Variants in FHIT observed in about 807,000 individuals in gnomAD.
The protein encoded by FHIT is bis(5'-adenosyl)-triphosphatase.
FHIT carries 19 observed loss-of-function variants against 17.9 expected under a neutral mutation model. The ratio of observed to expected loss-of-function variants is 1.06; its 90% CI spans 0.74 to 1.56. The LOEUF (loss-of-function observed/expected upper bound fraction) is 1.56, where lower values mean the gene tolerates loss of function less well. FHIT is among the 40% of genes most tolerant of loss of function. The probability of loss-of-function intolerance (pLI) is 0.00; values close to 1 mark genes in which losing one functional copy is unlikely to be tolerated. For synonymous variants in FHIT, 81 were observed against 69.7 expected, an observed-to-expected ratio of 1.16 and a Z score of -0.81; for missense variants, 248 against 189.2, an observed-to-expected ratio of 1.31 and a Z score of -1.82.
chr3:60,447,756 A>G (rs2031443279), intron 5 of FHIT, among the ~76,000 whole-genome samples: 1 of 152,172 alleles, frequency 6.6e-6, no homozygotes, highest in South Asian at 2.1e-4. Context: ...GCTGCCAGTA[A>G]TAATTCACCC....
At chr3:60,805,005 T>G (rs1019507239) in intron 4 of FHIT, among the ~76,000 whole-genome samples, 11 of 152,232 alleles carry the variant, frequency 7.2e-5, no homozygotes, top group African/African-American at 2.7e-4. Context: ...AACTAGCACA[T>G]AGTAGATACT....
At chr3:60,470,113 C>G (rs935243997) in intron 5 of FHIT, among the ~76,000 whole-genome samples, 2 of 149,012 alleles carry the variant, frequency 1.3e-5, no homozygotes, top group African/African-American at 5.0e-5. Context: ...AGGGGTGACA[C>G]AAGCACTCCT....
chr3:60,552,341 TAA>T (rs2036589197), intron 4 of FHIT, among the ~76,000 whole-genome samples: 1 of 152,230 alleles, frequency 6.6e-6, no homozygotes, highest in African/African-American at 2.4e-5. Context: ...AACGTACACC[TAA>T]GAGTGAAACT....
At chr3:60,886,124 T>C (rs1705212201) in intron 3 of FHIT, among the ~76,000 whole-genome samples, 1 of 152,242 alleles carries the variant, frequency 6.6e-6, no homozygotes, top group Admixed American at 6.5e-5. Context: ...ATCATATCCT[T>C]ATGTAATATC....
At chr3:61,242,715 G>A (rs896018491) in intron 1 of FHIT, among the ~76,000 whole-genome samples, 8 of 152,238 alleles carry the variant, frequency 5.3e-5, no homozygotes, top group South Asian at 4.1e-4. Context: ...GGTGGGTAGC[G>A]GGCCAGGCAG....
At chr3:60,690,328 C>G in intron 4 of FHIT, 1 of 567,354 alleles carries the variant, frequency 1.8e-6, no homozygotes, top group South Asian at 1.4e-5. Context: ...TTCTTTCACC[C>G]TGCCAAAGAC....
At position 60,235,519 on chromosome 3, in the gene FHIT, G is replaced by A. The variant is rs1264138153; in HGVS notation, c.104-221367C>T. Among the ~76,000 whole-genome samples the A allele has an allele frequency of 9.2e-5, 14 of 152,058 alleles. 1 individual carries two copies. Among genetic ancestry groups the A allele is most frequent in the South Asian group, 6.2e-4 (3 of 4,820 alleles). On this transcript the variant is annotated intron_variant, in intron 5 of 9. Coordinates refer to ENST00000492590, the MANE Select transcript of FHIT (RefSeq NM_002012.4). Reference sequence around the variant, plus strand: ...GCTAGGATTACAGGCGTGAGCCACCGTGCCCGGCCATATCTATGCTTTTAA... The same window carrying A: ...GCTAGGATTACAGGCGTGAGCCACCATGCCCGGCCATATCTATGCTTTTAA...
intron 5 of FHIT, among the ~76,000 whole-genome samples, chr3:60,208,235 A>T (rs28459515): frequency 1.3e-5 from 2 of 152,180 alleles, no homozygotes; most frequent in Non-Finnish European, 2.9e-5. Flanking sequence ...GCCACAGGCA[A>T]CACTTTAACC....
intron 8 of FHIT, among the ~76,000 whole-genome samples, chr3:59,872,607 T>A (rs868400031): frequency 1.1e-4 from 17 of 152,190 alleles, no homozygotes; most frequent in Middle Eastern, 6.8e-3. Flanking sequence ...ATAGTGAGAG[T>A]CATATTTTGA....
chr3:60,072,299 T>G (rs1320626981), intron 5 of FHIT, among the ~76,000 whole-genome samples: 1 of 152,156 alleles, frequency 6.6e-6, no homozygotes, highest in African/African-American at 2.4e-5. Flanking sequence ...TAGGAAAGAC[T>G]CCTTCTAGAT....
At chr3:60,033,720 C>T (rs1165261068) in intron 5 of FHIT, among the ~76,000 whole-genome samples, 1 of 152,144 alleles carries the variant, frequency 6.6e-6, no homozygotes, top group Non-Finnish European at 1.5e-5. Flanking sequence ...TGAAGGTAAA[C>T]AGGCCATCCT....
At chr3:60,736,201 T>A (rs1356180965) in intron 4 of FHIT, among the ~76,000 whole-genome samples, 1 of 152,170 alleles carries the variant, frequency 6.6e-6, no homozygotes, top group Non-Finnish European at 1.5e-5. Flanking sequence ...AGTGGGATTA[T>A]AAAATGGTGC....
At chr3:60,339,427 T>C (rs1345242362) in intron 5 of FHIT, among the ~76,000 whole-genome samples, 1 of 152,140 alleles carries the variant, frequency 6.6e-6, no homozygotes, top group Admixed American at 6.5e-5. Flanking sequence ...GATAAGAAAA[T>C]TAACTTACCA....
At chr3:60,983,858 C>G (rs946594797) in intron 3 of FHIT, among the ~76,000 whole-genome samples, 2 of 152,156 alleles carry the variant, frequency 1.3e-5, no homozygotes, top group Non-Finnish European at 2.9e-5. Context: ...CCTCAAAACA[C>G]TTCTTCATAC....
chr3:61,151,742 A>AT (rs2037398795), intron 2 of FHIT, among the ~76,000 whole-genome samples: 1 of 150,958 alleles, frequency 6.6e-6, no homozygotes, highest in Non-Finnish European at 1.5e-5. Context: ...TGATTTTTGT[A>AT]TTTTCAGTAG....
chr3:60,167,904 C>T (rs954155139), intron 5 of FHIT, among the ~76,000 whole-genome samples: 5 of 151,978 alleles, frequency 3.3e-5, no homozygotes, highest in Admixed American at 2.0e-4. Context: ...TAGTGGTATG[C>T]GCCTGTAGTC....
rs545079590 is a variant in FHIT, at chr3:60,607,883, T to TA, written c.-17-70905dup. Among the ~76,000 whole-genome samples the TA allele has an allele frequency of 2.0e-3, 305 of 152,138 alleles. 4 individuals carry two copies. The highest frequency in any genetic ancestry group is 1.4e-3 in the Non-Finnish European group (98 of 67,994). On this transcript the variant is annotated intron_variant, in intron 4 of 9. Transcript: ENST00000492590. ...CTTGCTGTGAAAATCAGAGGGGAAA[T>TA]AAAAAGGATGAATGGAGAATAGTGT... is the stretch of plus-strand genomic sequence containing the variant.
intron 8 of FHIT, among the ~76,000 whole-genome samples, chr3:59,861,440 T>C (rs753088304): frequency 2.0e-5 from 3 of 152,208 alleles, no homozygotes; most frequent in African/African-American, 4.8e-5. Context: ...ACCTGAAAGA[T>C]GGAAGGGCTC....
intron 7 of FHIT, among the ~76,000 whole-genome samples, chr3:59,949,333 G>C (rs1706996550): frequency 6.6e-6 from 1 of 152,050 alleles, no homozygotes; most frequent in Non-Finnish European, 1.5e-5. Context: ...CTCCCTAACT[G>C]CCTCACTCAT....
Sources: allele counts gnomAD v4.1 joint callset (sites outside exome capture counted in the v4.1 genomes callset), GRCh38; gene constraint gnomAD v4.1.1; transcripts MANE v1.5; gene names NCBI Gene and HGNC (gene_info 2026-07-23, HGNC 2026-07-21).